The following CMSS1 variants were observed in gnomAD, a reference collection of about 807,000 sequenced individuals.
CMSS1 encodes cms1 ribosomal small subunit homolog.
Under a neutral mutation model 43.5 loss-of-function variants are expected in CMSS1, and 33 were observed. The ratio of observed to expected loss-of-function variants is 0.76; its 90% CI spans 0.57 to 1.01. The LOEUF is 1.01. Ranked by LOEUF, CMSS1 falls within the 50% of genes least tolerant of loss-of-function variation. The pLI is 0.00. For missense variants in CMSS1, 313 were observed against 326.4 expected, an observed-to-expected ratio of 0.96 and a Z score of 0.32; for synonymous variants, 115 against 117.2, an observed-to-expected ratio of 0.98 and a Z score of 0.12.
At chr3:100,090,529 C>T (rs758000440) in intron 1 of CMSS1, among the ~76,000 whole-genome samples, 4 of 152,160 alleles carry the variant, frequency 2.6e-5, no homozygotes, top group Middle Eastern at 3.2e-3. Context: ...TTGCCCAGGC[C>T]CTCCCAGTGG....
At chr3:100,172,246 T>G in intron 7 of CMSS1, 70 bp from the exon 8 acceptor site, 1 of 1,336,318 alleles carries the variant, frequency 7.5e-7, no homozygotes, top group Non-Finnish European at 1.1e-6. Flanking sequence ...AGATAAAATG[T>G]TCTAAATTGG....
rs186713412 is a variant in CMSS1 at position 100,158,545 on chromosome 3, T to C, written c.154-1885T>C. ...TAAAGTCATCTCACCTCTATGGAAA[T>C]TGACCCCATAAAATTGGCCTCTTCA... On this transcript the variant is annotated intron_variant, in intron 2 of 9. Coordinates refer to ENST00000421999, the MANE Select transcript of CMSS1 (RefSeq NM_032359.4). 1.7e-4 allele frequency among the ~76,000 whole-genome samples: 26 copies of C among 152,324 alleles called. No individual in the cohort carries two copies. The East Asian group carries it at 1.9e-3, about 11-fold the overall frequency.
chr3:100,090,632 G>A (rs974851483), intron 1 of CMSS1, among the ~76,000 whole-genome samples: 2 of 152,094 alleles, frequency 1.3e-5, no homozygotes, highest in Non-Finnish European at 2.9e-5. Context: ...TGTTGCAGTC[G>A]TGTTCTCTGT....
chr3:100,164,283 A>G (rs2067048823), intron 4 of CMSS1, among the ~76,000 whole-genome samples: 1 of 152,286 alleles, frequency 6.6e-6, no homozygotes, highest in African/African-American at 2.4e-5. Flanking sequence ...TCAGTTTTCC[A>G]TTCTAGTTCT....
chr3:100,078,283 C>G (rs1025324895), intron 1 of CMSS1, among the ~76,000 whole-genome samples: 1 of 152,122 alleles, frequency 6.6e-6, no homozygotes, highest in Non-Finnish European at 1.5e-5. Flanking sequence ...GAAATGCACC[C>G]TTGCATTTTA....
In CMSS1 at chr3:100,027,701, A is replaced by G. The variant is rs541711608; in HGVS notation, c.65-119272A>G. Among the ~76,000 whole-genome samples the G allele has an allele frequency of 5.9e-5, 9 of 152,316 alleles. No homozygotes were observed. In the South Asian group the frequency reaches 1.9e-3, roughly 32 times the overall value. On this transcript the variant is annotated intron_variant, in intron 1 of 9. Transcript: ENST00000421999. ...GTGAATTATTTCAGCCTCCTGAGTG[A>G]ACTTTCAAATCTCTGAAGGTAGCAC...
intron 1 of CMSS1, among the ~76,000 whole-genome samples, chr3:99,944,390 T>C (rs531590829): frequency 4.5e-4 from 68 of 152,334 alleles, no homozygotes; most frequent in Non-Finnish European, 6.8e-4. Flanking sequence ...CAAAGGCTGC[T>C]GATTCAGAGG....
intron 1 of CMSS1, among the ~76,000 whole-genome samples, chr3:100,045,473 G>A (rs980608102): frequency 6.6e-6 from 1 of 152,006 alleles, no homozygotes; most frequent in African/African-American, 2.4e-5. Flanking sequence ...TTGTGCTGCT[G>A]TGTTAGAATT....
At chr3:99,876,534 T>C (rs1447466460) in intron 1 of CMSS1, among the ~76,000 whole-genome samples, 9 of 152,262 alleles carry the variant, frequency 5.9e-5, no homozygotes, top group Non-Finnish European at 1.0e-4. Flanking sequence ...GTTATTCTTA[T>C]GTAAACTTTT....
chr3:100,033,245 T>A (rs1474830143), intron 1 of CMSS1, among the ~76,000 whole-genome samples: 2 of 152,234 alleles, frequency 1.3e-5, no homozygotes, highest in Non-Finnish European at 2.9e-5. Flanking sequence ...GTCCATTGAC[T>A]GCTTGCAATT....
intron 2 of CMSS1, among the ~76,000 whole-genome samples, chr3:100,156,299 C>CTTTTTT (rs34413816): frequency 3.3e-4 from 24 of 73,056 alleles, no homozygotes; most frequent in Non-Finnish European, 4.1e-4. Flanking sequence ...AATTTTTTTT[C>CTTTTTT]TTTTTTTTTT....
chr3:99,937,286 T>G (rs948639368), intron 1 of CMSS1, among the ~76,000 whole-genome samples: 15 of 152,230 alleles, frequency 9.9e-5, no homozygotes, highest in African/African-American at 3.6e-4. Context: ...GAATTCTGAG[T>G]ATCCAAAATT....
chr3:100,123,138 AG>A (rs2066635229), intron 1 of CMSS1, among the ~76,000 whole-genome samples: 2 of 152,234 alleles, frequency 1.3e-5, no homozygotes, highest in Non-Finnish European at 2.9e-5. Context: ...TGTAATAGAA[AG>A]GAAGAGAAAA....
chr3:99,910,914 G>A (rs1358346677), intron 1 of CMSS1, among the ~76,000 whole-genome samples: 2 of 152,168 alleles, frequency 1.3e-5, no homozygotes, highest in Non-Finnish European at 2.9e-5. Context: ...GGTTAGCTGA[G>A]CAACCCTTTT....
intron 1 of CMSS1, among the ~76,000 whole-genome samples, chr3:99,872,685 G>A (rs1013232647): frequency 6.6e-6 from 1 of 151,874 alleles, no homozygotes; most frequent in Non-Finnish European, 1.5e-5. Flanking sequence ...CGGTCAGACT[G>A]GAAAAAGAAT....
chr3:99,989,747 T>C (rs1709458440), intron 1 of CMSS1, among the ~76,000 whole-genome samples: 2 of 151,762 alleles, frequency 1.3e-5, no homozygotes, highest in African/African-American at 4.8e-5. Context: ...CTATTTAGTA[T>C]GCTAATATGT....
chr3:100,121,603 G>A (rs902073997), intron 1 of CMSS1, among the ~76,000 whole-genome samples: 10 of 152,136 alleles, frequency 6.6e-5, no homozygotes, highest in South Asian at 2.1e-4. Context: ...ATACATGTGT[G>A]TATGTCTTTA....
At chr3:100,090,590 C>T (rs2066087260) in intron 1 of CMSS1, among the ~76,000 whole-genome samples, 1 of 152,218 alleles carries the variant, frequency 6.6e-6, no homozygotes, top group Non-Finnish European at 1.5e-5. Flanking sequence ...TTCTCTGCAA[C>T]ACTAGCCTCT....
At position 100,143,563 on chromosome 3, in the gene CMSS1, A is replaced by G. The variant is rs140157814; in HGVS notation, c.65-3410A>G. Among the ~76,000 whole-genome samples the G allele has an allele frequency of 5.7e-3, 871 of 152,234 alleles. 5 individuals carry two copies. The highest frequency in any genetic ancestry group is 7.5e-3 in the Non-Finnish European group (509 of 68,010). ...CTTCTACAAATGTTGATTATATCCT[A>G]TTGCTTGATGGTGCCACTCAGTTCT... is the stretch of plus-strand genomic sequence containing the variant. On this transcript the variant is annotated intron_variant, in intron 1 of 9. Transcript: ENST00000421999.
Sources: allele counts gnomAD v4.1 joint callset (sites outside exome capture counted in the v4.1 genomes callset), GRCh38; gene constraint gnomAD v4.1.1; transcripts MANE v1.5; gene names NCBI Gene and HGNC (gene_info 2026-07-23, HGNC 2026-07-21).